Variants in SCIN observed in about 807,000 individuals in gnomAD.
The protein encoded by SCIN is scinderin, also known as adseverin.
In SCIN, 91 loss-of-function variants were observed where a neutral mutation model predicts 91.8. That is an observed-to-expected ratio of 0.99 (90% CI 0.84 to 1.18). The LOEUF is 1.18. SCIN is among the 50% of genes most tolerant of loss of function. The pLI is 0.00. For synonymous variants in SCIN, 367 were observed against 312.6 expected, an observed-to-expected ratio of 1.17 and a Z score of -1.84; for missense variants, 1,087 against 863.9, an observed-to-expected ratio of 1.26 and a Z score of -3.24.
intron 10 of SCIN, among the ~76,000 whole-genome samples, chr7:12,636,997 G>C (rs770471669): frequency 6.6e-6 from 1 of 152,104 alleles, no homozygotes; most frequent in Non-Finnish European, 1.5e-5. Flanking sequence ...GCAAGGAATA[G>C]ATTGATTCCT....
At chr7:12,574,420 G>A (rs1190377904) in intron 1 of SCIN, among the ~76,000 whole-genome samples, 1 of 152,034 alleles carries the variant, frequency 6.6e-6, no homozygotes, top group African/African-American at 2.4e-5. Context: ...TATTATAAAA[G>A]GGCAACTTGA....
chr7:12,598,158 CTTAGA>C (rs1051555809), intron 3 of SCIN, among the ~76,000 whole-genome samples: 6 of 152,262 alleles, frequency 3.9e-5, no homozygotes, highest in Admixed American at 2.6e-4. Context: ...CATAAAATAA[CTTAGA>C]TTATAGTGAA....
At chr7:12,644,535 A>G in intron 12 of SCIN, 49 bp from the exon 13 acceptor site, 4 of 1,595,166 alleles carry the variant, frequency 2.5e-6, no homozygotes, top group Non-Finnish European at 3.4e-6. Flanking sequence ...AGCGACAGCA[A>G]GCATATGTCC....
intron 3 of SCIN, among the ~76,000 whole-genome samples, chr7:12,587,166 A>C (rs1782605328): frequency 6.6e-6 from 1 of 152,214 alleles, no homozygotes; most frequent in South Asian, 2.1e-4. Context: ...TACACACTTT[A>C]TACTTGTATC....
intron 4 of SCIN, among the ~76,000 whole-genome samples, chr7:12,616,580 T>G (rs1213275177): frequency 6.6e-6 from 1 of 152,114 alleles, no homozygotes; most frequent in Non-Finnish European, 1.5e-5. Flanking sequence ...GCACTGAAAG[T>G]TAGTTCACCT....
At chr7:12,631,445 C>G (rs1292954233) in intron 9 of SCIN, among the ~76,000 whole-genome samples, 1 of 152,156 alleles carries the variant, frequency 6.6e-6, no homozygotes, top group South Asian at 2.1e-4. Context: ...TATTTGTACC[C>G]TCTAGAACTC....
rs961334278 is a variant in SCIN, at chr7:12,626,264, C to G, written c.982-320C>G. On this transcript the variant is annotated intron_variant, in intron 7 of 15. Transcript: ENST00000297029. Reference sequence around the variant, plus strand: ...TCCGAATCTCTCAGCCTCATCTACTCTCCTCATTTTTATGTCCCTGCACAA... The same window carrying G: ...TCCGAATCTCTCAGCCTCATCTACTGTCCTCATTTTTATGTCCCTGCACAA... The G allele has an allele frequency of 2.1e-4, 71 of 345,826 alleles. 1 individual carries two copies. Among genetic ancestry groups the G allele is most frequent in the African/African-American group, 1.4e-3 (66 of 47,032 alleles). The allele number at this position is 345,826 out of a possible 1,614,324, so 21.4% of individuals were successfully genotyped here.
At chr7:12,648,560 G>T (rs1421226769) in intron 13 of SCIN, among the ~76,000 whole-genome samples, 1 of 152,136 alleles carries the variant, frequency 6.6e-6, no homozygotes, top group Non-Finnish European at 1.5e-5. Context: ...CTCCCAAAGT[G>T]CTGGGATTAC....
At chr7:12,629,265 G>T (rs1783595628) in intron 9 of SCIN, 43 bp downstream of exon 9, 1 of 1,570,822 alleles carries the variant, frequency 6.4e-7, no homozygotes, top group African/African-American at 1.4e-5. Flanking sequence ...ACAGGAGCCA[G>T]ATTTTGCTCC....
intron 4 of SCIN, 84 bp from the exon 5 acceptor site, chr7:12,622,717 A>G: frequency 1.1e-6 from 1 of 906,546 alleles, no homozygotes; most frequent in Non-Finnish European, 1.8e-6. Context: ...TTTATAATCC[A>G]TGTCTTTATA....
chr7:12,600,712 A>G (rs940406268), intron 3 of SCIN, among the ~76,000 whole-genome samples: 1 of 152,324 alleles, frequency 6.6e-6, no homozygotes, highest in Admixed American at 6.5e-5. Context: ...CTCAGAGTAC[A>G]TCACACTTGG....
chr7:12,639,533 A>G (rs768519575), intron 10 of SCIN, among the ~76,000 whole-genome samples: 1 of 152,230 alleles, frequency 6.6e-6, no homozygotes, highest in Non-Finnish European at 1.5e-5. Flanking sequence ...TGGGAGACTG[A>G]CATGAAATTT....
chr7:12,645,161 A>G (rs1478451664), intron 13 of SCIN, among the ~76,000 whole-genome samples: 1 of 151,440 alleles, frequency 6.6e-6, no homozygotes, highest in Non-Finnish European at 1.5e-5. Context: ...TCTACTAAAA[A>G]TACAAAAATT....
chr7:12,580,950 A>C (rs1782474800), intron 2 of SCIN, 110 bp from the exon 3 acceptor site: 1 of 1,101,460 alleles, frequency 9.1e-7, no homozygotes, highest in African/African-American at 1.6e-5. Flanking sequence ...CCTGACAGGT[A>C]CAGTTTTGGC....
chr7:12,658,850 ATG>A lies in SCIN; in HGVS notation c.*6137_*6138del, dbSNP rs1308145617. The A allele has an allele frequency of 2.0e-5, 3 of 152,214 alleles. No individual in the cohort carries two copies. The highest frequency in any genetic ancestry group is 4.4e-5 in the Non-Finnish European group (3 of 68,048). 9.4% of individuals were successfully genotyped at this position (152,214 alleles called of 1,614,324 possible). A position where few individuals can be genotyped will look rare whatever the true frequency, so the allele number is the denominator to read the frequency against. ...GAGTAGAAATTGTAATTACTGTAGAATGTATAGTGTTTTGAATGGCTATTGTA... is the reference window on the plus strand; with the variant it reads ...GAGTAGAAATTGTAATTACTGTAGAATATAGTGTTTTGAATGGCTATTGTA... On this transcript the variant is annotated 3_prime_UTR_variant, in exon 16 of 16. Coordinates refer to ENST00000297029, the MANE Select transcript of SCIN (RefSeq NM_001112706.3).
intron 4 of SCIN, among the ~76,000 whole-genome samples, chr7:12,606,967 C>G (rs1363446361): frequency 6.6e-6 from 1 of 152,210 alleles, no homozygotes; most frequent in Non-Finnish European, 1.5e-5. Flanking sequence ...TGTAAGTCTT[C>G]TAACTTGGCA....
At chr7:12,614,046 T>C (rs1205437351) in intron 4 of SCIN, among the ~76,000 whole-genome samples, 1 of 152,222 alleles carries the variant, frequency 6.6e-6, no homozygotes, top group Non-Finnish European at 1.5e-5. Context: ...CTTAACGATG[T>C]CTGATAGAGT....
chr7:12,586,345 A>G (rs1388686309), intron 3 of SCIN, among the ~76,000 whole-genome samples: 1 of 152,188 alleles, frequency 6.6e-6, no homozygotes, highest in East Asian at 1.9e-4. Context: ...AACATCACTA[A>G]TTATCAGGAA....
intron 10 of SCIN, among the ~76,000 whole-genome samples, chr7:12,636,806 GA>G (rs1473071535): frequency 6.6e-6 from 1 of 151,936 alleles, no homozygotes; most frequent in Non-Finnish European, 1.5e-5. Context: ...CCAACACAAA[GA>G]AATGATAAAT....
Sources: allele counts gnomAD v4.1 joint callset (sites outside exome capture counted in the v4.1 genomes callset), GRCh38; gene constraint gnomAD v4.1.1; transcripts MANE v1.5; gene names NCBI Gene and HGNC (gene_info 2026-07-23, HGNC 2026-07-21).